FMOD: variants seen among roughly 807,000 people sequenced by gnomAD.
FMOD encodes the protein fibromodulin, also known as KSPG fibromodulin.
A neutral mutation model predicts 27.0 loss-of-function variants in FMOD; 15 were observed. That is an observed-to-expected ratio of 0.55 (90% CI 0.37 to 0.85). The LOEUF (loss-of-function observed/expected upper bound fraction) is 0.85. Among genes scored for constraint, FMOD ranks in the 40% least tolerant of loss-of-function variants. The pLI, the probability that FMOD is intolerant of heterozygous loss-of-function variation, is 0.00. For synonymous variants in FMOD, 210 were observed against 214.0 expected, an observed-to-expected ratio of 0.98 and a Z score of 0.16; for missense variants, 460 against 483.2, an observed-to-expected ratio of 0.95 and a Z score of 0.45.
chr1:203,342,951 A>C (rs1299780182), intron 2 of FMOD, among the ~76,000 whole-genome samples: 1 of 152,158 alleles, frequency 6.6e-6, no homozygotes, highest in Non-Finnish European at 1.5e-5. Flanking sequence ...GGAGGGACTT[A>C]ATACTTTACA....
rs1240138571 is a variant in FMOD at position 203,341,828 on chromosome 1, A to G, written c.*515T>C. ...ACTCTGCTTAAGGCACAGAAGAGGC[A>G]TCTGTGGAGGAAAGTGGAGTGGGTG... On this transcript the variant is annotated 3_prime_UTR_variant, in exon 3 of 3. Coordinates refer to ENST00000354955, the MANE Select transcript of FMOD (RefSeq NM_002023.5). 1 of 152,676 alleles carries G rather than the reference A, an allele frequency of 6.5e-6. No homozygotes were observed. The highest frequency in any genetic ancestry group is 1.5e-5 in the Non-Finnish European group (1 of 68,424). 9.5% of individuals were successfully genotyped at this position (152,676 alleles called of 1,614,324 possible).
At chr1:203,347,145 AG>A (rs1658902635) in intron 2 of FMOD, 146 bp downstream of exon 2, 1 of 850,040 alleles carries the variant, frequency 1.2e-6, no homozygotes, top group South Asian at 1.7e-5. Context: ...TCTTTTGTAC[AG>A]GGGTATGGCT....
rs779763875 is a variant in FMOD at position 203,347,853 on chromosome 1, G to T, written c.418C>A (p.Gln140Lys). The T allele has an allele frequency of 2.8e-5, 45 of 1,614,046 alleles. No individual in the cohort carries two copies. The highest frequency in any genetic ancestry group is 3.5e-5 in the Non-Finnish European group (41 of 1,180,040). ...CTGCCCACCTTATCACTGGTGATCT[G>T]GTTGCCGTGGAGAGCAATCCAGAGC... is the stretch of plus-strand genomic sequence containing the variant. ...GLLWIALHGNQITSDKVGRKV... is the reference protein window; with the variant it reads ...GLLWIALHGNKITSDKVGRKV... The change falls in exon 2 of 3, where the codon CAG becomes AAG. Residue 140 changes from glutamine to lysine, a missense_variant. Gln to Lys is a moderately conservative substitution (Grantham distance 53, BLOSUM62 1). Coordinates refer to ENST00000354955, the MANE Select transcript of FMOD (RefSeq NM_002023.5).
chr1:203,347,496 C>T lies in FMOD; in HGVS notation c.775G>A (p.Val259Ile), dbSNP rs752609674. ...GCCCCCCGGAAGTAGCTATCGGGGA[C>T]GGTGTAGACATTGTTGTGCTCCATG... ...LYMEHNNVYTVPDSYFRGAPK... is the reference protein window; with the variant it reads ...LYMEHNNVYTIPDSYFRGAPK... Residue 259 changes from valine (V) to isoleucine (I), a missense_variant, in exon 2 of 3, where the codon GTC (valine) becomes ATC (isoleucine). Val to Ile is a conservative substitution (Grantham distance 29). Coordinates refer to ENST00000354955, the MANE Select transcript of FMOD (RefSeq NM_002023.5). The T allele has an allele frequency of 3.6e-5, 58 of 1,613,964 alleles. No individual in the cohort carries two copies. Among genetic ancestry groups the T allele is most frequent in the South Asian group, 8.8e-5 (8 of 91,080 alleles).
At chr1:203,347,045 T>C (rs1417639737) in intron 2 of FMOD, among the ~76,000 whole-genome samples, 1 of 152,182 alleles carries the variant, frequency 6.6e-6, no homozygotes, top group Non-Finnish European at 1.5e-5. Context: ...AGACCTGGAA[T>C]GAAACTTACC....
chr1:203,342,251 G>T lies in FMOD; in HGVS notation c.*92C>A. 2.0e-6 allele frequency: 3 copies of T among 1,464,328 alleles called. No homozygotes were observed. Among genetic ancestry groups the T allele is most frequent in the Non-Finnish European group, 2.8e-6 (3 of 1,089,354 alleles). 90.7% of individuals were successfully genotyped at this position (1,464,328 alleles called of 1,614,324 possible). A position where few individuals can be genotyped will look rare whatever the true frequency, so the allele number is the denominator to read the frequency against. On this transcript the variant is annotated 3_prime_UTR_variant, in exon 3 of 3. Coordinates refer to ENST00000354955, the MANE Select transcript of FMOD (RefSeq NM_002023.5). The stretch of plus-strand genomic sequence containing the variant: ...GGGTGCCCGTGGACTTCTGTCACAT[G>T]GTCCATCCTGGACCTTCCAGCAAAA...
At chr1:203,342,627 A>G (rs1658815219) in intron 2 of FMOD, 133 bp from the exon 3 acceptor site, 2 of 877,192 alleles carry the variant, frequency 2.3e-6, no homozygotes, top group Non-Finnish European at 3.5e-6. Context: ...GATGTTTTCC[A>G]GGATTGGAGT....
intron 2 of FMOD, among the ~76,000 whole-genome samples, chr1:203,343,705 G>A (rs930419861): frequency 6.6e-6 from 1 of 152,228 alleles, no homozygotes; most frequent in African/African-American, 2.4e-5. Flanking sequence ...CAGGCACGAG[G>A]AGTGGGGGCA....
chr1:203,347,615 A>C lies in FMOD; in HGVS notation c.656T>G (p.Met219Arg). ...HNEIQEVGSS[M>R]RGLRSLILLD... ...CAAGATCAGTGACCGGAGGCCCCTCATGGAACTGCCCACTTCCTGGATCTC... is the reference window on the plus strand; with the variant it reads ...CAAGATCAGTGACCGGAGGCCCCTCCTGGAACTGCCCACTTCCTGGATCTC... The change falls in exon 2 of 3, where the codon ATG becomes AGG. Residue 219 changes from methionine (M) to arginine (R), a missense_variant. Coordinates refer to ENST00000354955, the MANE Select transcript of FMOD (RefSeq NM_002023.5). The C allele has an allele frequency of 6.2e-7, 1 of 1,614,198 alleles. No individual in the cohort carries two copies.
intron 1 of FMOD, among the ~76,000 whole-genome samples, chr1:203,350,696 A>G (rs1182112977): frequency 6.6e-6 from 1 of 152,218 alleles, no homozygotes; most frequent in Non-Finnish European, 1.5e-5. Flanking sequence ...AGGTCTTGGA[A>G]TACCCTTCAA....
chr1:203,350,902 C>T (rs565488214), intron 1 of FMOD, 131 bp downstream of exon 1: 1 of 152,418 alleles, frequency 6.6e-6, no homozygotes, highest in South Asian at 2.1e-4. Flanking sequence ...TCCCTGGGGT[C>T]ATGGCCCAGA....
chr1:203,342,715 C>T lies in FMOD; in HGVS notation c.980-221G>A, dbSNP rs1473048808. 3.3e-5 allele frequency among the ~76,000 whole-genome samples: 5 copies of T among 152,158 alleles called. No homozygotes were observed. In the East Asian group the frequency reaches 7.7e-4, roughly 23 times the overall value. On this transcript the variant is annotated intron_variant, in intron 2 of 2. Coordinates refer to ENST00000354955, the MANE Select transcript of FMOD (RefSeq NM_002023.5). ...CCTGCGTCTGCAGCTCACCTCCTAA[C>T]CACCAACCTGAACTTTACTCTGCAG...
chr1:203,346,700 T>C (rs913798915), intron 2 of FMOD, among the ~76,000 whole-genome samples: 2 of 152,144 alleles, frequency 1.3e-5, no homozygotes, highest in Non-Finnish European at 2.9e-5. Flanking sequence ...AAGACCAGGC[T>C]GTAGACGCAA....
chr1:203,342,637 T>G (rs1330999670), intron 2 of FMOD, 143 bp from the exon 3 acceptor site: 2 of 811,262 alleles, frequency 2.5e-6, no homozygotes, highest in Non-Finnish European at 3.9e-6. Context: ...AGGATTGGAG[T>G]CATACTTACT....
chr1:203,341,137 T>C lies in FMOD; in HGVS notation c.*1206A>G, dbSNP rs1383454615. 1 of 152,274 alleles carries C rather than the reference T, an allele frequency of 6.6e-6. No homozygotes were observed. Among genetic ancestry groups the C allele is most frequent in the Non-Finnish European group, 1.5e-5 (1 of 68,046 alleles). 9.4% of individuals were successfully genotyped at this position (152,274 alleles called of 1,614,324 possible). A position where few individuals can be genotyped will look rare whatever the true frequency, so the allele number is the denominator to read the frequency against. On this transcript the variant is annotated 3_prime_UTR_variant, in exon 3 of 3. Coordinates refer to ENST00000354955, the MANE Select transcript of FMOD (RefSeq NM_002023.5). ...AGAGATGTGAAAGCAGAGGGTTGTA[T>C]GCCCAGCACAGGCAAGATTTGGCTG... is the stretch of plus-strand genomic sequence containing the variant.
intron 2 of FMOD, among the ~76,000 whole-genome samples, chr1:203,344,115 G>C (rs1397258439): frequency 6.6e-6 from 1 of 152,210 alleles, no homozygotes; most frequent in Non-Finnish European, 1.5e-5. Flanking sequence ...TGAGCAGGTT[G>C]GGGGCAGAGC....
chr1:203,347,616 T>A lies in FMOD; in HGVS notation c.655A>T (p.Met219Leu). ...HNEIQEVGSS[M>L]RGLRSLILLD... ...AAGATCAGTGACCGGAGGCCCCTCA[T>A]GGAACTGCCCACTTCCTGGATCTCA... Residue 219 changes from methionine to leucine, a missense_variant, in exon 2 of 3, where the codon ATG becomes TTG. Met to Leu is a conservative substitution (Grantham distance 15). Coordinates refer to ENST00000354955, the MANE Select transcript of FMOD (RefSeq NM_002023.5). The A allele has an allele frequency of 3.1e-6, 5 of 1,614,182 alleles. No homozygotes were observed. Among genetic ancestry groups the A allele is most frequent in the South Asian group, 2.2e-5 (2 of 91,076 alleles).
rs779623295 is a variant in FMOD, at chr1:203,348,182, T to C, written c.89A>G (p.Tyr30Cys). 6.2e-7 allele frequency: 1 copy of C among 1,613,688 alleles called. No homozygotes were observed. Among genetic ancestry groups the C allele is most frequent in the Non-Finnish European group, 8.5e-7 (1 of 1,179,898 alleles). ...GTAGGTGGACTGCTGGCTGCGGAGG[T>C]AGTGGAACCACCAATGAGGGTCATC... is the stretch of plus-strand genomic sequence containing the variant. ...YEDDPHWWFH[Y>C]LRSQQSTYYD... The change falls in exon 2 of 3, where the codon TAC (tyrosine) becomes TGC (cysteine). Residue 30 changes from tyrosine to cysteine, a missense_variant. By Grantham distance (194) the Tyr-to-Cys change is radical. Transcript: ENST00000354955.
At chr1:203,349,341 G>A (rs1658952098) in intron 1 of FMOD, among the ~76,000 whole-genome samples, 1 of 152,224 alleles carries the variant, frequency 6.6e-6, no homozygotes. Context: ...ACACCTAGAT[G>A]ACCAGGCTCT....
Sources: allele counts gnomAD v4.1 joint callset (sites outside exome capture counted in the v4.1 genomes callset), GRCh38; gene constraint gnomAD v4.1.1; transcripts MANE v1.5; gene names NCBI Gene and HGNC (gene_info 2026-07-23, HGNC 2026-07-21).